The following TSPAN9 variants were observed in gnomAD, a reference collection of about 807,000 sequenced individuals.
The protein encoded by TSPAN9 is tetraspanin-9.
TSPAN9 carries 16 observed loss-of-function variants against 31.0 expected under a neutral mutation model. The ratio of observed to expected loss-of-function variants is 0.52; its 90% CI spans 0.35 to 0.78. The LOEUF (loss-of-function observed/expected upper bound fraction) is 0.78. TSPAN9 is among the 30% of genes least tolerant of loss of function. The probability of loss-of-function intolerance (pLI) is 0.01; values close to 1 mark genes in which losing one functional copy is unlikely to be tolerated. For missense variants in TSPAN9, 272 were observed against 312.5 expected (o/e 0.87, Z 0.98); for synonymous variants, 145 against 121.6 (o/e 1.19, Z -1.27).
intron 2 of TSPAN9, among the ~76,000 whole-genome samples, chr12:3,183,190 C>G (rs2098359357): frequency 6.6e-6 from 1 of 152,226 alleles, no homozygotes; most frequent in South Asian, 2.1e-4. Context: ...GGAGTGATTT[C>G]ATGCTGCTTC....
At chr12:3,114,008 A>G (rs2098320703) in intron 2 of TSPAN9, among the ~76,000 whole-genome samples, 1 of 152,038 alleles carries the variant, frequency 6.6e-6, no homozygotes, top group South Asian at 2.1e-4. Flanking sequence ...TCAGACCCTG[A>G]CTGTCATCCT....
At chr12:3,151,696 G>T (rs1375434977) in intron 2 of TSPAN9, among the ~76,000 whole-genome samples, 1 of 152,136 alleles carries the variant, frequency 6.6e-6, no homozygotes, top group Non-Finnish European at 1.5e-5. Flanking sequence ...AAACAGAATA[G>T]GGCAGCCTCC....
intron 2 of TSPAN9, among the ~76,000 whole-genome samples, chr12:3,130,734 T>C (rs1247300672): frequency 6.6e-6 from 1 of 152,212 alleles, no homozygotes; most frequent in Non-Finnish European, 1.5e-5. Flanking sequence ...ACAAAACGCT[T>C]AGCAGAGTGT....
chr12:3,233,411 C>T (rs570182657), intron 3 of TSPAN9, among the ~76,000 whole-genome samples: 171 of 152,316 alleles, frequency 1.1e-3, no homozygotes, highest in African/African-American at 3.8e-3. Context: ...GCGGAGGGCA[C>T]CCTTCTCCTG....
Position 3,187,087 on chromosome 12 carries a change from G to C in TSPAN9, c.-17-14090G>C, listed in dbSNP as rs571570339. On this transcript the variant is annotated intron_variant, in intron 2 of 8. Coordinates refer to ENST00000011898, the MANE Select transcript of TSPAN9 (RefSeq NM_006675.5). This position sits in a 1 kb window ranked among gnomAD's most constrained non-coding sequence, Gnocchi z 5.2. The stretch of plus-strand genomic sequence containing the variant: ...AGAGCTGATTGTTGAACGTCTGCCA[G>C]CCCACCACTGGATTGTTACCTCTAC... 6.6e-6 allele frequency among the ~76,000 whole-genome samples: 1 copy of C among 152,278 alleles called. No homozygotes were observed. The highest frequency in any genetic ancestry group is 2.4e-5 in the African/African-American group (1 of 41,554).
chr12:3,121,409 G>T (rs1457928282), intron 2 of TSPAN9, among the ~76,000 whole-genome samples: 2 of 140,126 alleles, frequency 1.4e-5, no homozygotes, highest in African/African-American at 5.4e-5. Flanking sequence ...GCCCAGGCCA[G>T]AGTGCAGTGG....
intron 3 of TSPAN9, among the ~76,000 whole-genome samples, chr12:3,227,763 G>A (rs906832200): frequency 2.6e-5 from 4 of 152,214 alleles, no homozygotes; most frequent in African/African-American, 4.8e-5. Flanking sequence ...TTGCAGCTGG[G>A]ACTTGGTGTC....
At chr12:3,226,201 G>A (rs537479502) in intron 3 of TSPAN9, among the ~76,000 whole-genome samples, 1 of 152,272 alleles carries the variant, frequency 6.6e-6, no homozygotes, top group Non-Finnish European at 1.5e-5. Flanking sequence ...GGCTGGTAGA[G>A]TTAGGAAGGC....
At chr12:3,193,907 T>C (rs950617706) in intron 2 of TSPAN9, among the ~76,000 whole-genome samples, 1 of 152,046 alleles carries the variant, frequency 6.6e-6, no homozygotes, top group Non-Finnish European at 1.5e-5. Context: ...GATATGGCTG[T>C]GAGTGAGACA....
chr12:3,091,000 G>A (rs1591622904), intron 2 of TSPAN9, among the ~76,000 whole-genome samples: 1 of 152,246 alleles, frequency 6.6e-6, no homozygotes, highest in Admixed American at 6.5e-5. Context: ...CTTTGTAGTA[G>A]ACAGTGTCTC....
intron 3 of TSPAN9, among the ~76,000 whole-genome samples, chr12:3,252,559 C>T (rs893366886): frequency 3.3e-5 from 5 of 152,220 alleles, no homozygotes; most frequent in Non-Finnish European, 5.9e-5. Flanking sequence ...TGTACACATG[C>T]GGGGAGCCTG....
At chr12:3,160,294 C>A (rs1414601702) in intron 2 of TSPAN9, among the ~76,000 whole-genome samples, 2 of 152,198 alleles carry the variant, frequency 1.3e-5, no homozygotes, top group Non-Finnish European at 2.9e-5. Flanking sequence ...CTTTTGATTA[C>A]GCAATAATAT....
Position 3,187,182 on chromosome 12 carries a change from T to C in TSPAN9, c.-17-13995T>C, listed in dbSNP as rs1300324578. ...TCACTTGGCAGATCACCTGTGTTCATGCCGTGTGGTCAGAAAGAGCACAGG... is the reference window on the plus strand; with the variant it reads ...TCACTTGGCAGATCACCTGTGTTCACGCCGTGTGGTCAGAAAGAGCACAGG... On this transcript the variant is annotated intron_variant, in intron 2 of 8. Coordinates refer to ENST00000011898, the MANE Select transcript of TSPAN9 (RefSeq NM_006675.5). The surrounding 1 kb of genome is among the most constrained non-coding windows in gnomAD (Gnocchi z 5.2). Among the ~76,000 whole-genome samples the C allele has an allele frequency of 6.6e-6, 1 of 152,162 alleles. No homozygotes were observed.
At chr12:3,110,120 C>CG (rs35002025) in intron 2 of TSPAN9, among the ~76,000 whole-genome samples, 66,461 of 151,730 alleles carry the variant, frequency 0.44, 16,266 homozygotes, top group African/African-American at 0.67. Context: ...AGCACAAGAC[C>CG]GGGAGTGGGC....
intron 2 of TSPAN9, among the ~76,000 whole-genome samples, chr12:3,161,841 G>A (rs552575109): frequency 2.0e-4 from 31 of 151,634 alleles, no homozygotes; most frequent in African/African-American, 7.3e-4. Context: ...TTAGAGATAG[G>A]GTCTCACTCT....
chr12:3,149,260 C>T (rs1421343562), intron 2 of TSPAN9, among the ~76,000 whole-genome samples: 1 of 152,078 alleles, frequency 6.6e-6, no homozygotes, highest in Non-Finnish European at 1.5e-5. Flanking sequence ...ATGGTCAGGC[C>T]CTGTGTGTAG....
chr12:3,197,616 C>T (rs191550351), intron 2 of TSPAN9, among the ~76,000 whole-genome samples: 155 of 152,208 alleles, frequency 1.0e-3, no homozygotes, highest in African/African-American at 3.5e-3. Flanking sequence ...CTCTAGGAGG[C>T]GGGCCTGCCA....
intron 3 of TSPAN9, among the ~76,000 whole-genome samples, chr12:3,270,745 C>T (rs944338350): frequency 1.3e-5 from 2 of 152,228 alleles, no homozygotes; most frequent in Admixed American, 6.5e-5. Context: ...AGGGGCTGTC[C>T]CCAAAGTCTC....
At chr12:3,214,676 C>T (rs1363878225) in intron 3 of TSPAN9, among the ~76,000 whole-genome samples, 1 of 152,088 alleles carries the variant, frequency 6.6e-6, no homozygotes, top group Non-Finnish European at 1.5e-5. Context: ...GCCCTCCCCC[C>T]TGCAGGGGAG....
Sources: gnomAD v4.1 joint callset for allele counts (sites outside exome capture counted in the v4.1 genomes callset) on GRCh38, gnomAD v4.1.1 for gene constraint, Gnocchi (gnomAD v3.1) non-coding constraint, MANE v1.5 for transcripts, NCBI Gene and HGNC (gene_info 2026-07-23, HGNC 2026-07-21) for gene names.